The following JAZF1 variants were observed in gnomAD, a reference collection of about 807,000 sequenced individuals.
JAZF1 encodes the protein JAZF zinc finger 1.
A neutral mutation model predicts 26.4 loss-of-function variants in JAZF1; 8 were observed. The ratio of observed to expected loss-of-function variants is 0.30; its 90% CI spans 0.18 to 0.55. The LOEUF is 0.55. JAZF1 is among the 20% of genes least tolerant of loss of function. The probability of loss-of-function intolerance (pLI) is 0.94; values close to 1 mark genes in which losing one functional copy is unlikely to be tolerated. For synonymous variants in JAZF1, 126 were observed against 122.3 expected (o/e 1.03, Z -0.20); for missense variants, 199 against 322.0 (o/e 0.62, Z 2.92).
At chr7:28,067,536 A>AGGCTTTAGGTAATCTGACTTCTGCT (rs1783903984) in intron 1 of JAZF1, among the ~76,000 whole-genome samples, 1 of 152,194 alleles carries the variant, frequency 6.6e-6, no homozygotes, top group East Asian at 1.9e-4. Context: ...AGGCTACACC[A>AGGCTTTAGGTAATCTGACTTCTGCT]GGCTTTAGGT....
At chr7:27,848,632 T>C (rs923742507) in intron 3 of JAZF1, among the ~76,000 whole-genome samples, 4 of 152,142 alleles carry the variant, frequency 2.6e-5, no homozygotes, top group African/African-American at 9.7e-5. Flanking sequence ...GGATGGTTAA[T>C]TGTTTCTGCT....
At chr7:27,960,961 GA>G (rs1785176166) in intron 2 of JAZF1, among the ~76,000 whole-genome samples, 1 of 152,162 alleles carries the variant, frequency 6.6e-6, no homozygotes, top group Admixed American at 6.5e-5. Flanking sequence ...GTTATAGAGG[GA>G]GCATGTGAGA....
chr7:27,995,895 A>T (rs2128366365), intron 1 of JAZF1, among the ~76,000 whole-genome samples: 1 of 152,334 alleles, frequency 6.6e-6, no homozygotes, highest in East Asian at 1.9e-4. Flanking sequence ...AGCAAGGCAG[A>T]TAGCAGAAAT....
intron 3 of JAZF1, among the ~76,000 whole-genome samples, chr7:27,861,184 C>T (rs1203274571): frequency 6.6e-6 from 1 of 152,224 alleles, no homozygotes; most frequent in Admixed American, 6.5e-5. Flanking sequence ...CAGATGTGTC[C>T]TCCTCCTGGG....
chr7:28,023,077 GT>G (rs1783033590), intron 1 of JAZF1, among the ~76,000 whole-genome samples: 1 of 152,160 alleles, frequency 6.6e-6, no homozygotes. Context: ...AATAATGATG[GT>G]ATACAAGAAT....
intron 2 of JAZF1, among the ~76,000 whole-genome samples, chr7:27,925,653 C>G (rs1024014193): frequency 1.3e-5 from 2 of 152,170 alleles, no homozygotes; most frequent in African/African-American, 4.8e-5. Flanking sequence ...TCTCGAACTC[C>G]CAGCGTCAAG....
rs117031477 is a variant in JAZF1, at chr7:27,841,292, T to C, written c.386-425A>G. 8.1e-3 allele frequency: 1,287 copies of C among 159,180 alleles called. 7 individuals are homozygous for C. The highest frequency in any genetic ancestry group is 0.012 in the Admixed American group (186 of 15,798). 9.9% of individuals were successfully genotyped at this position (159,180 alleles called of 1,614,324 possible). On this transcript the variant is annotated intron_variant, in intron 3 of 4. Coordinates refer to ENST00000283928, the MANE Select transcript of JAZF1 (RefSeq NM_175061.4). ...ACACTGTCCCCTTAGTTTTATGCTT[T>C]ACTGGCCTAGTAAATGCAGAAGTCT... is the stretch of plus-strand genomic sequence containing the variant.
chr7:28,038,244 A>G (rs1783327898), intron 1 of JAZF1, among the ~76,000 whole-genome samples: 1 of 152,174 alleles, frequency 6.6e-6, no homozygotes. Flanking sequence ...CAGGTGAAAG[A>G]AAACATACAG....
chr7:27,882,474 G>A (rs1375288320), intron 3 of JAZF1, among the ~76,000 whole-genome samples: 2 of 152,176 alleles, frequency 1.3e-5, no homozygotes, highest in Admixed American at 6.5e-5. Context: ...GTTGCAAGGT[G>A]CCAGACATGC....
intron 1 of JAZF1, among the ~76,000 whole-genome samples, chr7:28,075,653 G>A (rs146965899): frequency 1.3e-5 from 2 of 152,070 alleles, no homozygotes; most frequent in Non-Finnish European, 2.9e-5. Flanking sequence ...AAAACAGACA[G>A]TATTATTCTT....
intron 4 of JAZF1, among the ~76,000 whole-genome samples, chr7:27,838,008 CTTTT>C (rs34890301): frequency 7.0e-6 from 1 of 143,594 alleles, no homozygotes; most frequent in Admixed American, 7.0e-5. Flanking sequence ...CTTTGTCTGC[CTTTT>C]TTTTTTTTTT....
chr7:27,877,705 C>G (rs1783703047), intron 3 of JAZF1, among the ~76,000 whole-genome samples: 1 of 152,204 alleles, frequency 6.6e-6, no homozygotes. Context: ...CTCCAAGAAG[C>G]CCTTGGAGAC....
chr7:27,929,693 A>C (rs75013109), intron 2 of JAZF1, among the ~76,000 whole-genome samples: 3,027 of 152,280 alleles, frequency 0.02, 93 homozygotes, highest in African/African-American at 0.061. Flanking sequence ...CCATCTGTAC[A>C]TGAGGGATGC....
intron 2 of JAZF1, among the ~76,000 whole-genome samples, chr7:27,991,591 G>A (rs1170232864): frequency 6.6e-6 from 1 of 152,076 alleles, no homozygotes; most frequent in African/African-American, 2.4e-5. Context: ...GGATTTAAAA[G>A]GTTCACTCGA....
intron 3 of JAZF1, among the ~76,000 whole-genome samples, chr7:27,888,850 C>T (rs183788105): frequency 2.6e-5 from 4 of 152,198 alleles, no homozygotes; most frequent in South Asian, 2.1e-4. Flanking sequence ...CCCCAGAGTG[C>T]GCCAAAATAT....
At chr7:28,067,180 C>T (rs1018800583) in intron 1 of JAZF1, among the ~76,000 whole-genome samples, 1 of 152,168 alleles carries the variant, frequency 6.6e-6, no homozygotes, top group African/African-American at 2.4e-5. Context: ...AGGTCCACAG[C>T]ACATGGAGAT....
chr7:27,924,125 C>A (rs545137184), intron 2 of JAZF1, among the ~76,000 whole-genome samples: 33 of 152,288 alleles, frequency 2.2e-4, no homozygotes, highest in Non-Finnish European at 3.7e-4. Context: ...GTCGCCCAGG[C>A]TGGAGTGCAG....
intron 2 of JAZF1, among the ~76,000 whole-genome samples, chr7:27,985,489 A>G (rs150797986): frequency 0.071 from 10,884 of 152,270 alleles, 504 homozygotes; most frequent in African/African-American, 0.13. Flanking sequence ...AAAGTCCAGG[A>G]CCAGACAGAT....
chr7:27,894,523 C>T (rs10236987), intron 3 of JAZF1, among the ~76,000 whole-genome samples: 38,226 of 152,104 alleles, frequency 0.25, 5,205 homozygotes, highest in Non-Finnish European at 0.31. Flanking sequence ...CTCTTTAAGG[C>T]GAGGACCTGG....
Sources: gnomAD v4.1 joint callset for allele counts (sites outside exome capture counted in the v4.1 genomes callset) on GRCh38, gnomAD v4.1.1 for gene constraint, MANE v1.5 for transcripts, NCBI Gene and HGNC (gene_info 2026-07-23, HGNC 2026-07-21) for gene names.